Variants in GOLGA4 observed in about 807,000 individuals in gnomAD.
The protein encoded by GOLGA4 is golgin subfamily A member 4.
Under a neutral mutation model 265.9 loss-of-function variants are expected in GOLGA4, and 169 were observed. The ratio of observed to expected loss-of-function variants is 0.64; its 90% CI spans 0.56 to 0.72. GOLGA4 has a LOEUF of 0.72. Among genes scored for constraint, GOLGA4 ranks in the 30% least tolerant of loss-of-function variants. GOLGA4 has a pLI of 0.00. For synonymous variants in GOLGA4, 923 were observed against 855.8 expected (o/e 1.08, Z -1.37); for missense variants, 2,482 against 2,483.4 (o/e 1.00, Z 0.01).
At chr3:37,361,385 T>A in intron 23 of GOLGA4, 80 bp downstream of exon 23, 1 of 947,214 alleles carries the variant, frequency 1.1e-6, no homozygotes, top group Admixed American at 1.9e-5. Flanking sequence ...GCTGGAATTC[T>A]TTTGCTCTTG....
intron 2 of GOLGA4, chr3:37,275,657 C>A: frequency 6.2e-7 from 1 of 1,610,198 alleles, no homozygotes; most frequent in Non-Finnish European, 8.5e-7. Flanking sequence ...CTTCCCCTTG[C>A]CAGCGGGGTG....
chr3:37,365,456 C>G (rs1469913611), intron 23 of GOLGA4, among the ~76,000 whole-genome samples: 9 of 152,108 alleles, frequency 5.9e-5, no homozygotes, highest in Admixed American at 5.9e-4. Context: ...TTAGTAGAGA[C>G]AGGGTTTTGC....
intron 21 of GOLGA4, among the ~76,000 whole-genome samples, chr3:37,353,373 T>C (rs938969450): frequency 1.3e-5 from 2 of 152,082 alleles, no homozygotes; most frequent in Non-Finnish European, 2.9e-5. Context: ...ACAGTTTCTG[T>C]GAAGCTCAGT....
Position 37,325,063 on chromosome 3 carries a change from GGAAATACAT to G in GOLGA4, c.3183_3191del (p.His1062_Ile1064del). 1 of 1,612,858 alleles carries G rather than the reference GGAAATACAT, an allele frequency of 6.2e-7. No individual in the cohort carries two copies. Among genetic ancestry groups the G allele is most frequent in the Non-Finnish European group, 8.5e-7 (1 of 1,179,574 alleles). On this transcript the variant is annotated inframe_deletion, in exon 14 of 24. Coordinates refer to ENST00000361924, the MANE Select transcript of GOLGA4 (RefSeq NM_002078.5). Reference sequence around the variant, plus strand: ...TTAATCAGCAAGCTGAAGAACTTCAGGAAATACATGAAATCCAATTACAGGAAAAAGAAC... The same window carrying G: ...TTAATCAGCAAGCTGAAGAACTTCAGGAAATCCAATTACAGGAAAAAGAAC...
rs775539970 is a variant in GOLGA4, at chr3:37,323,918, A to G, written c.2032A>G (p.Lys678Glu). 5 of 1,613,726 alleles carry G rather than the reference A, an allele frequency of 3.1e-6. No homozygotes were observed. The South Asian group carries it at 5.5e-5, about 18-fold the overall frequency. The stretch of plus-strand genomic sequence containing the variant: ...AGAAATGAATGAAAAGACTTTAGAA[A>G]AGCTTGATGTGAAGCAAACAGAACT... ...IEEMNEKTLE[K>E]LDVKQTELES... is the part of the protein sequence containing the mutation. Residue 678 changes from lysine to glutamate, a missense_variant, in exon 14 of 24, where the codon AAG (lysine) becomes GAG (glutamate). Physicochemically the swap from Lys to Glu is moderately conservative, Grantham distance 56. This residue lies in a region of GOLGA4 where 1,536 missense variants were observed against 1,483.7 expected (regional missense o/e 1.04). Coordinates refer to ENST00000361924, the MANE Select transcript of GOLGA4 (RefSeq NM_002078.5).
chr3:37,304,615 G>A (rs1016913763), intron 10 of GOLGA4, among the ~76,000 whole-genome samples: 5 of 152,314 alleles, frequency 3.3e-5, no homozygotes, highest in Non-Finnish European at 5.9e-5. Context: ...GAGAGAAAAT[G>A]TTGGTCAGGG....
At chr3:37,306,386 G>A (rs7638631) in intron 10 of GOLGA4, among the ~76,000 whole-genome samples, 55,074 of 151,876 alleles carry the variant, frequency 0.36, 10,551 homozygotes, top group Non-Finnish European at 0.42. Flanking sequence ...AAGTTTGGTG[G>A]TTCAGCTTAA....
chr3:37,243,842 G>T (rs1295712708), intron 1 of GOLGA4: 3 of 570,882 alleles, frequency 5.3e-6, no homozygotes, highest in Non-Finnish European at 6.2e-6. Context: ...GTCAATGAGT[G>T]GATGGGGGTG....
At position 37,326,717 on chromosome 3, in the gene GOLGA4, G is replaced by T. The variant is rs766566466; in HGVS notation, c.4831G>T (p.Val1611Leu). ...AACTAAGAAGAAAGAATTAGAACAT[G>T]TGAATTTAAGTGTGAAAAGCAAAGA... ...LETKKKELEH[V>L]NLSVKSKEEE... The change falls in exon 14 of 24, where the codon GTG (valine) becomes TTG (leucine). Residue 1611 changes from valine to leucine, a missense_variant. By Grantham distance (32) the Val-to-Leu change is conservative. Around this residue, in one of 3 missense-constraint regions of GOLGA4, gnomAD observed 942 missense variants for 983.1 expected, o/e 0.96. Coordinates refer to ENST00000361924, the MANE Select transcript of GOLGA4 (RefSeq NM_002078.5). 5 of 1,613,556 alleles carry T rather than the reference G, an allele frequency of 3.1e-6. No individual in the cohort carries two copies. The highest frequency in any genetic ancestry group is 2.2e-5 in the East Asian group (1 of 44,848).
At chr3:37,352,975 T>A (rs76496359) in intron 21 of GOLGA4, among the ~76,000 whole-genome samples, 1 of 152,116 alleles carries the variant, frequency 6.6e-6, no homozygotes, top group Non-Finnish European at 1.5e-5. Flanking sequence ...GTCTTCCTTT[T>A]ACTTGCATAC....
In GOLGA4 at chr3:37,324,621, T is replaced by A. The variant is rs202017315; in HGVS notation, c.2735T>A (p.Met912Lys). The A allele has an allele frequency of 1.4e-5, 22 of 1,613,244 alleles. No individual in the cohort carries two copies. The African/African-American group carries it at 2.8e-4, about 21-fold the overall frequency. ...TKQILVEKEN[M>K]ILQMREGQKK... ...CAAATCTTGGTGGAAAAGGAAAATATGATTTTACAAATGAGAGAAGGACAG... is the reference window on the plus strand; with the variant it reads ...CAAATCTTGGTGGAAAAGGAAAATAAGATTTTACAAATGAGAGAAGGACAG... The change falls in exon 14 of 24, where the codon ATG (methionine) becomes AAG (lysine). Residue 912 changes from methionine (M) to lysine (K), a missense_variant. By Grantham distance (95) the Met-to-Lys change is moderately conservative (BLOSUM62 -1). Transcript: ENST00000361924.
At chr3:37,354,535 A>G (rs1027795800) in intron 21 of GOLGA4, among the ~76,000 whole-genome samples, 1 of 152,100 alleles carries the variant, frequency 6.6e-6, no homozygotes, top group South Asian at 2.1e-4. Context: ...GCCATGTGTA[A>G]TGTTTCGATT....
At chr3:37,332,574 A>C (rs2096994392) in intron 16 of GOLGA4, among the ~76,000 whole-genome samples, 1 of 152,170 alleles carries the variant, frequency 6.6e-6, no homozygotes, top group South Asian at 2.1e-4. Context: ...AAAATTTTGA[A>C]TCAAATGTAT....
intron 20 of GOLGA4, among the ~76,000 whole-genome samples, chr3:37,343,208 A>G (rs1192768580): frequency 1.3e-5 from 2 of 151,956 alleles, no homozygotes; most frequent in Admixed American, 6.5e-5. Flanking sequence ...CGCAACCTCC[A>G]CCTCCCGGGT....
intron 11 of GOLGA4, among the ~76,000 whole-genome samples, chr3:37,317,595 G>A (rs547056501): frequency 6.6e-6 from 1 of 152,276 alleles, no homozygotes; most frequent in South Asian, 2.1e-4. Flanking sequence ...TGTGAGGTCT[G>A]TGGAAGACAA....
chr3:37,344,424 T>A (rs2097049377), intron 20 of GOLGA4, among the ~76,000 whole-genome samples: 1 of 151,958 alleles, frequency 6.6e-6, no homozygotes, highest in Non-Finnish European at 1.5e-5. Flanking sequence ...TTTTTGAAGA[T>A]CTGTTTCTGC....
chr3:37,356,778 A>C (rs77172126), intron 22 of GOLGA4, among the ~76,000 whole-genome samples: 5,844 of 152,208 alleles, frequency 0.038, 144 homozygotes, highest in African/African-American at 0.056. Context: ...AATAATTTTA[A>C]ATGATATAAA....
intron 9 of GOLGA4, among the ~76,000 whole-genome samples, 189 bp from the exon 10 acceptor site, chr3:37,301,996 C>T (rs2096894147): frequency 1.3e-5 from 2 of 152,162 alleles, no homozygotes; most frequent in Non-Finnish European, 2.9e-5. Context: ...GCCATGTTGG[C>T]CAGGCTGGTC....
chr3:37,363,337 A>G (rs938407915), intron 23 of GOLGA4, among the ~76,000 whole-genome samples: 2 of 152,222 alleles, frequency 1.3e-5, no homozygotes, highest in East Asian at 3.8e-4. Flanking sequence ...ACTGCATTGT[A>G]CTTGTTATTA....
Sources: gnomAD v4.1 joint callset for allele counts (sites outside exome capture counted in the v4.1 genomes callset) on GRCh38, gnomAD v4.1.1 for gene constraint, gnomAD v4.1.1 regional missense constraint, MANE v1.5 for transcripts, NCBI Gene and HGNC (gene_info 2026-07-23, HGNC 2026-07-21) for gene names.